The following MYO3B variants were observed in gnomAD, a reference collection of about 807,000 sequenced individuals.
MYO3B encodes the protein myosin IIIB, also known as myosin-IIIb.
MYO3B carries 156 observed loss-of-function variants against 174.6 expected under a neutral mutation model. That is an observed-to-expected ratio of 0.89 (90% CI 0.78 to 1.02). MYO3B has a LOEUF of 1.02. Among genes scored for constraint, MYO3B ranks in the 50% least tolerant of loss-of-function variants. MYO3B has a pLI of 0.00. For missense variants in MYO3B, 1,632 were observed against 1,639.4 expected (o/e 1.00, Z 0.08); for synonymous variants, 563 against 569.1 (o/e 0.99, Z 0.15).
At chr2:170,330,451 T>C (rs1460461141) in intron 7 of MYO3B, among the ~76,000 whole-genome samples, 1 of 152,246 alleles carries the variant, frequency 6.6e-6, no homozygotes, top group Non-Finnish European at 1.5e-5. Context: ...TGAAAGTTTT[T>C]TAGAAAATTT....
At chr2:170,314,770 T>C (rs1380445907) in intron 7 of MYO3B, among the ~76,000 whole-genome samples, 1 of 152,200 alleles carries the variant, frequency 6.6e-6, no homozygotes, top group Non-Finnish European at 1.5e-5. Flanking sequence ...AAAGTCCTTC[T>C]AGAATGGGAA....
At chr2:170,434,946 A>G (rs1574973907) in intron 22 of MYO3B, among the ~76,000 whole-genome samples, 1 of 152,358 alleles carries the variant, frequency 6.6e-6, no homozygotes, top group Non-Finnish European at 1.5e-5. Context: ...GGTGAGAGCC[A>G]CTGTACTTAG....
At chr2:170,236,223 C>G (rs2093068731) in intron 7 of MYO3B, 87 bp downstream of exon 7, 10 of 1,533,506 alleles carry the variant, frequency 6.5e-6, no homozygotes, top group Non-Finnish European at 8.9e-6. Flanking sequence ...CAAGCAATTT[C>G]TCTCCAAACC....
At chr2:170,467,632 A>AAAAT (rs1684725915) in intron 25 of MYO3B, among the ~76,000 whole-genome samples, 1 of 152,158 alleles carries the variant, frequency 6.6e-6, no homozygotes, top group South Asian at 2.1e-4. Context: ...CAAGAAAAAA[A>AAAAT]AAATACATTG....
chr2:170,363,118 T>C (rs2094173919), intron 8 of MYO3B, among the ~76,000 whole-genome samples: 3 of 152,100 alleles, frequency 2.0e-5, no homozygotes, highest in Admixed American at 2.0e-4. Flanking sequence ...AGATCCAAAA[T>C]GTTTAGATCT....
chr2:170,494,727 C>CAAAAAAAAAAAAAAAAAAAAAGAGAAAA (rs1686732883), intron 25 of MYO3B, among the ~76,000 whole-genome samples: 1 of 92,038 alleles, frequency 1.1e-5, no homozygotes, highest in Non-Finnish European at 2.1e-5. Context: ...AACTGCGTCT[C>CAAAAAAAAAAAAAAAAAAAAAGAGAAAA]AAAAAAAAAA....
intron 28 of MYO3B, among the ~76,000 whole-genome samples, chr2:170,510,171 T>C (rs1687892362): frequency 6.6e-6 from 1 of 152,130 alleles, no homozygotes; most frequent in South Asian, 2.1e-4. Flanking sequence ...ATGCAAATGG[T>C]TGTGAAAAGT....
At chr2:170,200,086 T>A in intron 2 of MYO3B, 64 bp from the exon 3 acceptor site, 1 of 1,504,474 alleles carries the variant, frequency 6.6e-7, no homozygotes, top group Non-Finnish European at 9.0e-7. Flanking sequence ...GAGCATGATG[T>A]CATATCTGTA....
rs202162147 is a variant in MYO3B at position 170,636,415 on chromosome 2, T to C, written c.3734-15213T>C. ...CCATGAATTTCTTTTTTTTTTTTTT[T>C]AAGCCAACTTTGACAGCCTCTTTCC... On this transcript the variant is annotated intron_variant, in intron 32 of 34. Transcript: ENST00000408978. Among the ~76,000 whole-genome samples, 7 of 148,508 alleles carry C rather than the reference T, an allele frequency of 4.7e-5. No homozygotes were observed. The East Asian group carries it at 1.4e-3, about 30-fold the overall frequency.
intron 32 of MYO3B, among the ~76,000 whole-genome samples, chr2:170,610,702 C>T (rs1695080541): frequency 6.6e-6 from 1 of 152,110 alleles, no homozygotes; most frequent in Non-Finnish European, 1.5e-5. Flanking sequence ...CAGGAAAAAC[C>T]AACAGAGTAC....
chr2:170,358,764 C>G (rs1474859029), intron 8 of MYO3B, among the ~76,000 whole-genome samples: 1 of 152,166 alleles, frequency 6.6e-6, no homozygotes, highest in Non-Finnish European at 1.5e-5. Flanking sequence ...GATTGTGGGT[C>G]TCCAAGAATA....
At chr2:170,241,394 C>T (rs1475847621) in intron 7 of MYO3B, among the ~76,000 whole-genome samples, 2 of 152,130 alleles carry the variant, frequency 1.3e-5, no homozygotes, top group African/African-American at 4.8e-5. Context: ...TTTCCAAGTT[C>T]GAAACTACCA....
intron 7 of MYO3B, among the ~76,000 whole-genome samples, chr2:170,317,517 T>A (rs2093784658): frequency 6.6e-6 from 1 of 152,198 alleles, no homozygotes; most frequent in Admixed American, 6.5e-5. Context: ...AGATTTCAGA[T>A]CTGATAGTAA....
intron 7 of MYO3B, among the ~76,000 whole-genome samples, chr2:170,282,048 A>G (rs772551411): frequency 6.6e-5 from 10 of 152,110 alleles, no homozygotes; most frequent in Non-Finnish European, 1.2e-4. Flanking sequence ...CTCCCATTCA[A>G]CATGTTGTAT....
chr2:170,365,504 A>G (rs962601999), intron 8 of MYO3B, among the ~76,000 whole-genome samples: 5 of 152,190 alleles, frequency 3.3e-5, no homozygotes, highest in African/African-American at 4.8e-5. Flanking sequence ...AGTAAACGAT[A>G]TGATGCTATG....
At chr2:170,556,645 C>T (rs1291771924) in intron 32 of MYO3B, among the ~76,000 whole-genome samples, 1 of 152,180 alleles carries the variant, frequency 6.6e-6, no homozygotes, top group Non-Finnish European at 1.5e-5. Flanking sequence ...CCTCAGCTTC[C>T]CAAGTAGCTG....
chr2:170,300,262 A>C (rs1173861247), intron 7 of MYO3B, among the ~76,000 whole-genome samples: 1 of 152,198 alleles, frequency 6.6e-6, no homozygotes, highest in Non-Finnish European at 1.5e-5. Context: ...GCCTTTGAAA[A>C]GTGACTCACC....
intron 32 of MYO3B, among the ~76,000 whole-genome samples, chr2:170,579,847 G>A (rs1455357291): frequency 6.6e-6 from 1 of 152,216 alleles, no homozygotes; most frequent in African/African-American, 2.4e-5. Flanking sequence ...TACCCTGTGT[G>A]AACTGATGAC....
chr2:170,535,648 T>C (rs1201464198), intron 30 of MYO3B, among the ~76,000 whole-genome samples: 2 of 152,228 alleles, frequency 1.3e-5, no homozygotes, highest in African/African-American at 4.8e-5. Flanking sequence ...TAGCCCAAGC[T>C]TGGGTTTCCT....
Sources: allele counts gnomAD v4.1 joint callset (sites outside exome capture counted in the v4.1 genomes callset), GRCh38; gene constraint gnomAD v4.1.1; transcripts MANE v1.5; gene names NCBI Gene and HGNC (gene_info 2026-07-23, HGNC 2026-07-21).